Variants in MTCL1 observed in about 807,000 individuals in gnomAD.
The protein encoded by MTCL1 is microtubule crosslinking factor 1, also known as microtubule cross-linking factor 1.
MTCL1 carries 79 observed loss-of-function variants against 141.4 expected under a neutral mutation model. The ratio of observed to expected loss-of-function variants is 0.56; its 90% confidence interval spans 0.47 to 0.67. The LOEUF (loss-of-function observed/expected upper bound fraction) is 0.67. Ranked by LOEUF, MTCL1 falls within the 30% of genes least tolerant of loss-of-function variation. The probability of loss-of-function intolerance (pLI) is 0.00; values close to 1 mark genes in which losing one functional copy is unlikely to be tolerated. For synonymous variants in MTCL1, 914 were observed against 875.8 expected, an observed-to-expected ratio of 1.04 and a Z score of -0.77; for missense variants, 2,177 against 2,113.9, an observed-to-expected ratio of 1.03 and a Z score of -0.59.
intron 2 of MTCL1, chr18:8,718,038 G>A (rs2148800137): frequency 1.1e-6 from 1 of 942,898 alleles, no homozygotes; most frequent in African/African-American, 1.7e-5. Flanking sequence ...GGGTCCGTAT[G>A]ATTCATCTTA....
intron 10 of MTCL1, among the ~76,000 whole-genome samples, chr18:8,804,584 A>G (rs2076229027): frequency 6.6e-6 from 1 of 152,202 alleles, no homozygotes; most frequent in South Asian, 2.1e-4. Flanking sequence ...CGAGTTCTTC[A>G]AATGTTAACT....
upstream of MTCL1, among the ~76,000 whole-genome samples, chr18:8,716,214 T>C (rs1261549440): frequency 6.6e-6 from 1 of 152,254 alleles, no homozygotes; most frequent in Non-Finnish European, 1.5e-5. Flanking sequence ...AAGAACATTT[T>C]ATGCATTTGA....
intron 4 of MTCL1, among the ~76,000 whole-genome samples, chr18:8,733,194 G>T (rs556468092): frequency 1.8e-4 from 27 of 152,338 alleles, no homozygotes; most frequent in Admixed American, 1.7e-3. Context: ...AGACCACCTC[G>T]GGGGCTGAGG....
chr18:8,744,773 A>G (rs781746774), intron 4 of MTCL1, among the ~76,000 whole-genome samples: 15 of 152,172 alleles, frequency 9.9e-5, no homozygotes, highest in Non-Finnish European at 2.1e-4. Flanking sequence ...CCTTTATTCA[A>G]GACGGGGGCA....
chr18:8,741,521 CTG>C (rs1384900996), intron 4 of MTCL1, among the ~76,000 whole-genome samples: 1 of 152,066 alleles, frequency 6.6e-6, no homozygotes, highest in Non-Finnish European at 1.5e-5. Context: ...CAATAGCAAA[CTG>C]TGCAACTAAG....
At chr18:8,739,312 A>G (rs2096289632) in intron 4 of MTCL1, among the ~76,000 whole-genome samples, 1 of 152,170 alleles carries the variant, frequency 6.6e-6, no homozygotes, top group Non-Finnish European at 1.5e-5. Context: ...ACTAGTCAGG[A>G]GCAGGCAGGG....
rs75817210 is a variant in MTCL1, at chr18:8,828,026, C to G, written c.4723-882C>G. On this transcript the variant is annotated intron_variant, in intron 15 of 16. Coordinates refer to ENST00000359865, the Ensembl canonical transcript of MTCL1. This position sits in a 1 kb window ranked among gnomAD's most constrained non-coding sequence, Gnocchi z 5.2. Reference sequence around the variant, plus strand: ...AGCACTCATCGGCAGCATCTAAATGCCACGGGCTCTTTTTTCCATTTCTGT... The same window carrying G: ...AGCACTCATCGGCAGCATCTAAATGGCACGGGCTCTTTTTTCCATTTCTGT... 0.011 allele frequency among the ~76,000 whole-genome samples: 1,703 copies of G among 152,302 alleles called. 46 individuals carry two copies. The highest frequency in any genetic ancestry group is 0.039 in the African/African-American group (1,630 of 41,554).
exon 15 of MTCL1, chr18:8,825,257 T>C (rs1459356158): frequency 3.8e-6 from 6 of 1,587,946 alleles, no homozygotes; most frequent in Non-Finnish European, 5.1e-6. Context: ...CCCGGGACTA[T>C]GTGGAGGGGG....
intron 4 of MTCL1, among the ~76,000 whole-genome samples, chr18:8,723,758 C>A (rs1001733060): frequency 6.6e-6 from 1 of 152,176 alleles, no homozygotes; most frequent in Non-Finnish European, 1.5e-5. Flanking sequence ...GATGGTGTTA[C>A]CCTTAACCCT....
At position 8,822,479 on chromosome 18, in the gene MTCL1, CAG is replaced by C. The variant is rs978437965; in HGVS notation, c.3188+984_3188+985del. On this transcript the variant is annotated intron_variant, in intron 14 of 16. Coordinates refer to ENST00000359865, the Ensembl canonical transcript of MTCL1. The surrounding 1 kb of genome is among the most constrained non-coding windows in gnomAD (Gnocchi z 4.6). ...GCTAATTTTTGTCTTTTAATAGAAA[CAG>C]AGTTTCGCCATGTTGGCCAGGCTGG... 5.3e-5 allele frequency among the ~76,000 whole-genome samples: 8 copies of C among 152,160 alleles called. No homozygotes were observed. Among genetic ancestry groups the C allele is most frequent in the Non-Finnish European group, 7.3e-5 (5 of 68,038 alleles).
intron 4 of MTCL1, among the ~76,000 whole-genome samples, chr18:8,744,926 G>T (rs2096327511): frequency 6.6e-6 from 1 of 152,202 alleles, no homozygotes; most frequent in South Asian, 2.1e-4. Flanking sequence ...TTGGGAGGGG[G>T]TGGCCCTGAG....
intron 4 of MTCL1, among the ~76,000 whole-genome samples, chr18:8,742,950 A>T (rs1234796428): frequency 6.6e-6 from 1 of 152,200 alleles, no homozygotes; most frequent in African/African-American, 2.4e-5. Flanking sequence ...TTTCACTTTG[A>T]GGTTGGCAAT....
chr18:8,718,566 A>T (rs1284040928), exon 3 of MTCL1: 2 of 1,614,020 alleles, frequency 1.2e-6, no homozygotes, highest in Non-Finnish European at 1.7e-6. Context: ...CGTCTTCGGA[A>T]AGCCGAGCAG....
At chr18:8,759,053 G>A (rs1023776808) in intron 4 of MTCL1, among the ~76,000 whole-genome samples, 3 of 152,200 alleles carry the variant, frequency 2.0e-5, no homozygotes, top group Admixed American at 6.5e-5. Flanking sequence ...AGGAAAACGG[G>A]GATGTTGTTA....
Position 8,786,110 on chromosome 18 carries a change from T to TACCCC in MTCL1, c.1887+19_1887+20insACCCC. 3 of 1,310,348 alleles carry TACCCC rather than the reference T, an allele frequency of 2.3e-6. No individual in the cohort carries two copies. The highest frequency in any genetic ancestry group is 1.3e-5 in the South Asian group (1 of 77,210). 81.2% of individuals were successfully genotyped at this position (1,310,348 alleles called of 1,614,324 possible). ...CCTGGAGGTCAGCGTGGGCAAGCAA[T>TACCCC]CCCCCCCCCCCGCCCTCCCCCTCCT... On this transcript the variant is annotated intron_variant, in intron 7 of 16. Coordinates refer to ENST00000359865, the Ensembl canonical transcript of MTCL1.
intron 10 of MTCL1, among the ~76,000 whole-genome samples, chr18:8,799,131 G>A (rs960023854): frequency 3.9e-5 from 6 of 152,188 alleles, no homozygotes; most frequent in Non-Finnish European, 7.3e-5. Context: ...ATATGGGCGC[G>A]GCTCTAGCCT....
At chr18:8,774,736 C>T (rs1319742208) in intron 4 of MTCL1, among the ~76,000 whole-genome samples, 1 of 152,248 alleles carries the variant, frequency 6.6e-6, no homozygotes, top group Admixed American at 6.5e-5. Flanking sequence ...AATCTGCCCA[C>T]TTCGGCCTCC....
At chr18:8,784,571 G>A in exon 6 of MTCL1, 2 of 1,610,110 alleles carry the variant, frequency 1.2e-6, no homozygotes, top group East Asian at 2.2e-5. Context: ...GCTGCGGGGT[G>A]GTGCGCCCTT....
At chr18:8,827,772 AC>A (rs1441206564) in intron 15 of MTCL1, among the ~76,000 whole-genome samples, 3 of 152,262 alleles carry the variant, frequency 2.0e-5, no homozygotes, top group African/African-American at 7.2e-5. Flanking sequence ...TTCTTTAAGA[AC>A]CAAAAAAATG....
Sources: allele counts gnomAD v4.1 joint callset (sites outside exome capture counted in the v4.1 genomes callset), GRCh38; gene constraint gnomAD v4.1.1; non-coding constraint Gnocchi (gnomAD v3.1); transcripts MANE v1.5; gene names NCBI Gene and HGNC (gene_info 2026-07-23, HGNC 2026-07-21).